Variants in PRKCE observed in about 807,000 individuals in gnomAD.
The protein encoded by PRKCE is protein kinase C epsilon.
Under a neutral mutation model 85.4 loss-of-function variants are expected in PRKCE, and 16 were observed. The ratio of observed to expected loss-of-function variants is 0.19; its 90% CI spans 0.13 to 0.28. PRKCE has a LOEUF of 0.28. PRKCE is among the 10% of genes least tolerant of loss of function. PRKCE has a pLI of 1.00. For synonymous variants in PRKCE, 388 were observed against 371.5 expected (o/e 1.04, Z -0.51); for missense variants, 573 against 975.2 (o/e 0.59, Z 5.49).
chr2:46,056,102 T>C (rs939689057), intron 10 of PRKCE, among the ~76,000 whole-genome samples: 4 of 152,186 alleles, frequency 2.6e-5, no homozygotes, highest in Non-Finnish European at 5.9e-5. Context: ...ATCTGTAAAA[T>C]GGAAGCAAGC....
At chr2:46,081,735 A>T (rs1475882859) in intron 10 of PRKCE, among the ~76,000 whole-genome samples, 1 of 152,250 alleles carries the variant, frequency 6.6e-6, no homozygotes, top group Non-Finnish European at 1.5e-5. Flanking sequence ...AGAAGATCAC[A>T]CAGACTTTGA....
At chr2:45,777,923 A>G (rs1685877348) in intron 1 of PRKCE, among the ~76,000 whole-genome samples, 1 of 152,178 alleles carries the variant, frequency 6.6e-6, no homozygotes, top group Admixed American at 6.5e-5. Context: ...GATGGAACAG[A>G]ATGCAGGCCC....
At chr2:46,027,418 A>C (rs1254061831) in intron 10 of PRKCE, among the ~76,000 whole-genome samples, 1 of 152,174 alleles carries the variant, frequency 6.6e-6, no homozygotes, top group Non-Finnish European at 1.5e-5. Flanking sequence ...ATGGGGAGAG[A>C]GGTTGCAATT....
intron 14 of PRKCE, among the ~76,000 whole-genome samples, chr2:46,171,198 C>G (rs1463463637): frequency 6.6e-6 from 1 of 152,164 alleles, no homozygotes; most frequent in Non-Finnish European, 1.5e-5. Context: ...CCCAGGCAAG[C>G]CAGGGCAGGC....
chr2:45,822,074 C>T (rs901753401), intron 1 of PRKCE, among the ~76,000 whole-genome samples: 14 of 152,246 alleles, frequency 9.2e-5, no homozygotes, highest in African/African-American at 3.4e-4. Flanking sequence ...GCAGAATGTT[C>T]TGGCACCTGT....
intron 11 of PRKCE, among the ~76,000 whole-genome samples, chr2:46,097,899 G>T (rs1271905920): frequency 6.6e-6 from 1 of 152,172 alleles, no homozygotes; most frequent in Admixed American, 6.5e-5. Flanking sequence ...CCTAACAAAG[G>T]GGAAGGGAGG....
At chr2:45,762,297 G>A (rs944834023) in intron 1 of PRKCE, among the ~76,000 whole-genome samples, 3 of 152,172 alleles carry the variant, frequency 2.0e-5, no homozygotes, top group African/African-American at 7.2e-5. Flanking sequence ...ATGTTGCCCA[G>A]CGGGTCTCAC....
intron 10 of PRKCE, among the ~76,000 whole-genome samples, chr2:46,070,026 G>A (rs1667942458): frequency 1.3e-5 from 2 of 152,206 alleles, no homozygotes; most frequent in Non-Finnish European, 2.9e-5. Context: ...TGGTGCTAGT[G>A]TTTCTTTTCC....
intron 11 of PRKCE, among the ~76,000 whole-genome samples, chr2:46,119,288 A>G (rs1251033537): frequency 6.6e-6 from 1 of 151,862 alleles, no homozygotes; most frequent in African/African-American, 2.4e-5. Flanking sequence ...AGAAAAAAAA[A>G]GGGGGGGTTA....
intron 1 of PRKCE, among the ~76,000 whole-genome samples, chr2:45,755,768 C>T (rs557153233): frequency 1.7e-4 from 26 of 152,224 alleles, no homozygotes; most frequent in Admixed American, 1.1e-3. Context: ...AGTTGCCCAA[C>T]GAAATGCAAG....
intron 1 of PRKCE, among the ~76,000 whole-genome samples, chr2:45,712,662 C>T (rs77302208): frequency 0.043 from 6,534 of 152,218 alleles, 201 homozygotes; most frequent in East Asian, 0.12. Flanking sequence ...CTGGACAGGC[C>T]ATTCCCTTTG....
chr2:45,838,422 AT>A (rs1208749407), intron 1 of PRKCE, among the ~76,000 whole-genome samples: 33 of 152,154 alleles, frequency 2.2e-4, no homozygotes, highest in Non-Finnish European at 3.5e-4. Context: ...CTCACAGGAG[AT>A]TAGATGAACT....
chr2:45,744,632 G>T (rs13386797), intron 1 of PRKCE, among the ~76,000 whole-genome samples: 12,605 of 147,198 alleles, frequency 0.086, 661 homozygotes, highest in African/African-American at 0.15. Flanking sequence ...TTTGGAGACA[G>T]AGTCTCGCTG....
chr2:46,019,615 A>G (rs1706465099), intron 10 of PRKCE, among the ~76,000 whole-genome samples: 1 of 152,234 alleles, frequency 6.6e-6, no homozygotes, highest in South Asian at 2.1e-4. Flanking sequence ...TTTTGTAGCC[A>G]GAAGTATACT....
At chr2:45,950,114 C>CA (rs1303576165) in intron 2 of PRKCE, among the ~76,000 whole-genome samples, 2 of 152,172 alleles carry the variant, frequency 1.3e-5, no homozygotes, top group African/African-American at 4.8e-5. Flanking sequence ...TGAAGCAGAA[C>CA]ACTTGCCTAA....
At chr2:46,075,363 C>A (rs935558089) in intron 10 of PRKCE, among the ~76,000 whole-genome samples, 1 of 151,434 alleles carries the variant, frequency 6.6e-6, no homozygotes, top group Non-Finnish European at 1.5e-5. Context: ...AGAAATATTT[C>A]ATAGGTCCTA....
chr2:45,830,466 A>G (rs1156494396), intron 1 of PRKCE, among the ~76,000 whole-genome samples: 1 of 152,214 alleles, frequency 6.6e-6, no homozygotes, highest in East Asian at 1.9e-4. Context: ...GAATAAAAAG[A>G]TAAAAGAAAT....
intron 1 of PRKCE, among the ~76,000 whole-genome samples, chr2:45,661,273 C>T (rs1675626265): frequency 6.6e-6 from 1 of 151,876 alleles, no homozygotes; most frequent in Non-Finnish European, 1.5e-5. Flanking sequence ...ACCTCTGCCT[C>T]CCGGGTTCAA....
intron 2 of PRKCE, among the ~76,000 whole-genome samples, chr2:45,876,540 T>A (rs577527543): frequency 6.6e-6 from 1 of 152,372 alleles, no homozygotes; most frequent in Non-Finnish European, 1.5e-5. Context: ...AAATCCCACT[T>A]TTTAATTTTT....
Sources: allele counts gnomAD v4.1 joint callset (sites outside exome capture counted in the v4.1 genomes callset), GRCh38; gene constraint gnomAD v4.1.1; transcripts MANE v1.5; gene names NCBI Gene and HGNC (gene_info 2026-07-23, HGNC 2026-07-21).